The following APAF1 variants were observed in gnomAD, a reference collection of about 807,000 sequenced individuals.
APAF1 encodes apoptotic protease-activating factor 1.
In APAF1, 91 loss-of-function variants were observed where a neutral mutation model predicts 152.4. That is an observed-to-expected ratio of 0.60 (90% CI 0.50 to 0.71). The LOEUF (loss-of-function observed/expected upper bound fraction) is 0.71. Among genes scored for constraint, APAF1 ranks in the 30% least tolerant of loss-of-function variants. The probability of loss-of-function intolerance (pLI) is 0.00; values close to 1 mark genes in which losing one functional copy is unlikely to be tolerated. For missense variants in APAF1, 1,283 were observed against 1,472.0 expected (o/e 0.87, Z 2.10); for synonymous variants, 484 against 494.1 (o/e 0.98, Z 0.27).
chr12:98,666,119 G>A, intron 8 of APAF1, 71 bp from the exon 9 acceptor site: 1 of 1,418,014 alleles, frequency 7.1e-7, no homozygotes, highest in South Asian at 1.2e-5. Context: ...TTTTGTGTGT[G>A]TGATAATACC....
At chr12:98,658,349 C>T (rs893979029) in intron 4 of APAF1, among the ~76,000 whole-genome samples, 5 of 152,114 alleles carry the variant, frequency 3.3e-5, no homozygotes, top group African/African-American at 1.2e-4. Flanking sequence ...CTAGTGTTTA[C>T]TAGTTTGAAG....
At chr12:98,654,241 T>C (rs1034429091) in intron 4 of APAF1, among the ~76,000 whole-genome samples, 4 of 152,170 alleles carry the variant, frequency 2.6e-5, no homozygotes, top group Non-Finnish European at 5.9e-5. Flanking sequence ...AAGCTGGTAG[T>C]GTTTTCTCTT....
At chr12:98,725,621 G>A in intron 25 of APAF1, 81 bp downstream of exon 25, 8 of 1,591,656 alleles carry the variant, frequency 5.0e-6, no homozygotes, top group Middle Eastern at 1.8e-4. Context: ...CTTTGTTCAC[G>A]GGCCAGGGAA....
chr12:98,714,090 C>T (rs964286256), intron 21 of APAF1, among the ~76,000 whole-genome samples: 5 of 152,198 alleles, frequency 3.3e-5, no homozygotes, highest in Non-Finnish European at 7.3e-5. Context: ...CCATCTCAGG[C>T]TCATCTCTCA....
At chr12:98,726,196 A>G (rs1225817313) in intron 25 of APAF1, among the ~76,000 whole-genome samples, 1 of 152,202 alleles carries the variant, frequency 6.6e-6, no homozygotes, top group Non-Finnish European at 1.5e-5. Context: ...TATAATTTTG[A>G]CTTTTAGAAA....
intron 26 of APAF1, among the ~76,000 whole-genome samples, chr12:98,730,024 A>T (rs1413855842): frequency 5.9e-5 from 9 of 152,220 alleles, no homozygotes; most frequent in Non-Finnish European, 2.9e-5. Context: ...TGAGGTGGAT[A>T]TCCCAATTAT....
At chr12:98,702,793 A>T (rs2097717014) in intron 17 of APAF1, among the ~76,000 whole-genome samples, 1 of 150,994 alleles carries the variant, frequency 6.6e-6, no homozygotes, top group Non-Finnish European at 1.5e-5. Flanking sequence ...CCAAGCTGAG[A>T]TTACGCTATT....
chr12:98,690,284 A>G (rs980677160), intron 16 of APAF1, among the ~76,000 whole-genome samples: 5 of 152,216 alleles, frequency 3.3e-5, no homozygotes, highest in African/African-American at 1.2e-4. Flanking sequence ...GAGTTTAGCT[A>G]GCTGTTAGTG....
rs1394931744 is a variant in APAF1, at chr12:98,733,974, T to G, written c.*1408T>G. ...CTTTTTTAAAAAGCAGTTTCTCCAC[T>G]GCTAAATGTTAGTCATTGAGGTGGG... On this transcript the variant is annotated 3_prime_UTR_variant, in exon 27 of 27. Transcript: ENST00000551964. The G allele has an allele frequency of 6.6e-6, 1 of 152,234 alleles. No individual in the cohort carries two copies. The highest frequency in any genetic ancestry group is 1.5e-5 in the Non-Finnish European group (1 of 68,032). The allele number at this position is 152,234 out of a possible 1,614,324, so 9.4% of individuals were successfully genotyped here.
chr12:98,656,947 T>TTA (rs1343206851), intron 4 of APAF1, among the ~76,000 whole-genome samples: 1 of 152,208 alleles, frequency 6.6e-6, no homozygotes. Context: ...AGTTCGTAGA[T>TTA]TATAACCTTC....
intron 4 of APAF1, among the ~76,000 whole-genome samples, chr12:98,651,112 A>G (rs1565853063): frequency 6.6e-6 from 1 of 152,228 alleles, no homozygotes; most frequent in Admixed American, 6.5e-5. Context: ...GATACTGGCA[A>G]CTGTACATGT....
intron 22 of APAF1, among the ~76,000 whole-genome samples, chr12:98,721,707 T>C (rs1327501151): frequency 1.3e-5 from 2 of 152,224 alleles, no homozygotes; most frequent in Non-Finnish European, 2.9e-5. Flanking sequence ...GCTCCTGATA[T>C]CCTGCTTCTG....
chr12:98,680,508 A>AC, intron 14 of APAF1, 106 bp downstream of exon 14: 1 of 1,081,254 alleles, frequency 9.2e-7, no homozygotes, highest in Non-Finnish European at 1.4e-6. Flanking sequence ...TCACCTGTTG[A>AC]TCTACTAACC....
chr12:98,665,908 T>TG, intron 8 of APAF1, 117 bp downstream of exon 8: 1 of 920,106 alleles, frequency 1.1e-6, no homozygotes, highest in Non-Finnish European at 1.8e-6. Flanking sequence ...ACTGAGGTGG[T>TG]GGGGTGTTGG....
intron 18 of APAF1, among the ~76,000 whole-genome samples, chr12:98,704,361 A>G (rs146097285): frequency 1.3e-5 from 2 of 152,346 alleles, no homozygotes; most frequent in East Asian, 3.9e-4. Flanking sequence ...CACAGTTCCA[A>G]GAAGATGGGT....
intron 19 of APAF1, among the ~76,000 whole-genome samples, chr12:98,708,226 T>C (rs183487402): frequency 6.6e-6 from 1 of 152,352 alleles, no homozygotes; most frequent in East Asian, 1.9e-4. Flanking sequence ...ATTACAGGTG[T>C]GAGCCCCTGC....
intron 12 of APAF1, among the ~76,000 whole-genome samples, chr12:98,674,965 A>G (rs1043770243): frequency 3.9e-5 from 6 of 152,158 alleles, no homozygotes; most frequent in Non-Finnish European, 2.9e-5. Flanking sequence ...GAATCTTAAT[A>G]CTTGGTCTGA....
At chr12:98,723,168 A>G in intron 22 of APAF1, 25 bp from the exon 23 acceptor site, 1 of 1,611,200 alleles carries the variant, frequency 6.2e-7, no homozygotes, top group Non-Finnish European at 8.5e-7. Flanking sequence ...GAGGATTATA[A>G]CAGACTTATT....
chr12:98,651,790 G>A (rs1275947159), intron 4 of APAF1, among the ~76,000 whole-genome samples: 1 of 152,020 alleles, frequency 6.6e-6, no homozygotes, highest in African/African-American at 2.4e-5. Context: ...CTCCTGAGGA[G>A]CTGGGTGCAC....
Sources: allele counts gnomAD v4.1 joint callset (sites outside exome capture counted in the v4.1 genomes callset), GRCh38; gene constraint gnomAD v4.1.1; transcripts MANE v1.5; gene names NCBI Gene and HGNC (gene_info 2026-07-23, HGNC 2026-07-21).